The following OPRM1 variants were observed in gnomAD, a reference collection of about 807,000 sequenced individuals.
OPRM1 encodes the protein mu-type opioid receptor.
Under a neutral mutation model 31.8 loss-of-function variants are expected in OPRM1, and 27 were observed. The observed-to-expected ratio is 0.85, with a 90% confidence interval of 0.63 to 1.17. The LOEUF (loss-of-function observed/expected upper bound fraction) is 1.17. OPRM1 is among the 50% of genes most tolerant of loss of function. The probability of loss-of-function intolerance (pLI) is 0.00; values close to 1 mark genes in which losing one functional copy is unlikely to be tolerated. For missense variants in OPRM1, 536 were observed against 511.1 expected (o/e 1.05, Z -0.47); for synonymous variants, 196 against 189.9 (o/e 1.03, Z -0.26).
intron 1 of OPRM1, among the ~76,000 whole-genome samples, chr6:154,015,436 G>A (rs1777950103): frequency 6.6e-6 from 1 of 152,058 alleles, no homozygotes; most frequent in African/African-American, 2.4e-5. Flanking sequence ...AACTTGAATT[G>A]AGATAATTTG....
At chr6:154,070,614 T>C (rs921292702) in intron 1 of OPRM1, among the ~76,000 whole-genome samples, 1 of 152,208 alleles carries the variant, frequency 6.6e-6, no homozygotes, top group Non-Finnish European at 1.5e-5. Context: ...TTAAAGATAA[T>C]TTTTTGGTAA....
chr6:154,132,458 A>G (rs552062342), downstream of OPRM1, among the ~76,000 whole-genome samples: 9 of 152,358 alleles, frequency 5.9e-5, no homozygotes, highest in African/African-American at 1.4e-4. Flanking sequence ...CCTAAGAATT[A>G]GAGTAACAGA....
Position 154,212,620 on chromosome 6 carries a change from G to T in OPRM1, c.1165-34073G>T, listed in dbSNP as rs780114180. On this transcript the variant is annotated intron_variant, in intron 3 of 3. Transcript: ENST00000337049. ...TTGCTATGGAGAAGGCTCAAAATCAGCACCCTGAAAATTGCACTTGCTCGT... is the reference window on the plus strand; with the variant it reads ...TTGCTATGGAGAAGGCTCAAAATCATCACCCTGAAAATTGCACTTGCTCGT... 8 of 609,772 alleles carry T rather than the reference G, an allele frequency of 1.3e-5. No individual in the cohort carries two copies. The highest frequency in any genetic ancestry group is 2.4e-5 in the Non-Finnish European group (8 of 338,414). 37.8% of individuals were successfully genotyped at this position (609,772 alleles called of 1,614,324 possible). A position where few individuals can be genotyped will look rare whatever the true frequency, so the allele number is the denominator to read the frequency against.
At chr6:154,242,682 T>A (rs1422578378) in intron 3 of OPRM1, among the ~76,000 whole-genome samples, 7 of 151,474 alleles carry the variant, frequency 4.6e-5, no homozygotes. Context: ...AGGTCAGGAG[T>A]TCGAGACTAG....
At chr6:154,155,350 A>G (rs895876349) in intron 3 of OPRM1, 1 of 152,236 alleles carries the variant, frequency 6.6e-6, no homozygotes, top group African/African-American at 2.4e-5. Context: ...TGAGGTATAC[A>G]AAAGAAATTG....
intron 1 of OPRM1, among the ~76,000 whole-genome samples, chr6:154,088,278 A>G (rs1791147109): frequency 6.6e-6 from 1 of 152,224 alleles, no homozygotes; most frequent in African/African-American, 2.4e-5. Context: ...CTATAAGAAC[A>G]GAAAGCAAAC....
At chr6:154,175,991 A>G (rs1490416784) in intron 3 of OPRM1, among the ~76,000 whole-genome samples, 1 of 152,234 alleles carries the variant, frequency 6.6e-6, no homozygotes, top group Non-Finnish European at 1.5e-5. Context: ...AGTCGGCTTC[A>G]TCCCTGGGAT....
At chr6:154,147,457 T>A (rs1798388617) in intron 3 of OPRM1, among the ~76,000 whole-genome samples, 1 of 152,208 alleles carries the variant, frequency 6.6e-6, no homozygotes, top group African/African-American at 2.4e-5. Context: ...GCGTTTCTGC[T>A]GTTTGGTGTC....
chr6:154,155,141 C>T (rs944543438), intron 3 of OPRM1: 2 of 152,206 alleles, frequency 1.3e-5, no homozygotes, highest in African/African-American at 4.8e-5. Context: ...TGCCCCACGA[C>T]ACAGAGAAAC....
At chr6:154,088,621 G>T (rs1791230545) in intron 1 of OPRM1, among the ~76,000 whole-genome samples, 1 of 152,088 alleles carries the variant, frequency 6.6e-6, no homozygotes, top group African/African-American at 2.4e-5. Flanking sequence ...TAATTATGGT[G>T]GTGGTTTCAC....
chr6:154,141,018 A>G (rs1486433187), intron 3 of OPRM1, among the ~76,000 whole-genome samples: 6 of 152,238 alleles, frequency 3.9e-5, no homozygotes, highest in Non-Finnish European at 7.3e-5. Context: ...GAGCCAAGGC[A>G]AAACCAGAAT....
At chr6:154,175,522 C>T (rs1276207466) in intron 3 of OPRM1, among the ~76,000 whole-genome samples, 2 of 151,856 alleles carry the variant, frequency 1.3e-5, no homozygotes, top group Non-Finnish European at 1.5e-5. Flanking sequence ...TACAAACTAC[C>T]ATCAGAGAAT....
intron 3 of OPRM1, chr6:154,108,890 T>C: frequency 1.0e-6 from 1 of 984,778 alleles, no homozygotes; most frequent in African/African-American, 1.7e-5. Flanking sequence ...ATACAGTAGT[T>C]ACTAGAGAAA....
chr6:154,060,673 G>A (rs1377945842), intron 1 of OPRM1, among the ~76,000 whole-genome samples: 5 of 151,992 alleles, frequency 3.3e-5, no homozygotes, highest in East Asian at 1.9e-4. Flanking sequence ...TTTTTCCCCC[G>A]AAAAATCAGT....
At chr6:154,029,316 G>A (rs1778876200) in intron 1 of OPRM1, among the ~76,000 whole-genome samples, 2 of 151,938 alleles carry the variant, frequency 1.3e-5, no homozygotes, top group Non-Finnish European at 1.5e-5. Context: ...ATAAATGAAA[G>A]CAATCTTTTT....
chr6:154,059,713 T>C (rs970893197), intron 1 of OPRM1, among the ~76,000 whole-genome samples: 39 of 152,246 alleles, frequency 2.6e-4, no homozygotes, highest in African/African-American at 8.0e-4. Flanking sequence ...CAAATACTCA[T>C]GTGACATACA....
chr6:154,078,929 C>T lies in OPRM1; in HGVS notation c.291-10897C>T, dbSNP rs181891865. Among the ~76,000 whole-genome samples the T allele has an allele frequency of 7.3e-3, 1,107 of 152,214 alleles. 16 individuals are homozygous for T. The highest frequency in any genetic ancestry group is 8.4e-3 in the Non-Finnish European group (574 of 68,012). ...AAGACTAAAAGAATATGGCTTATGC[C>T]ATAGGCCATAGATTAGAAAATAAAA... On this transcript the variant is annotated intron_variant, in intron 1 of 3. Transcript: ENST00000330432.
At chr6:154,175,419 T>C (rs1800235703) in intron 3 of OPRM1, among the ~76,000 whole-genome samples, 1 of 147,310 alleles carries the variant, frequency 6.8e-6, no homozygotes, top group Admixed American at 6.8e-5. Flanking sequence ...ACAAAATAGA[T>C]AGAATGGTAG....
In OPRM1 at chr6:154,201,846, G is replaced by C. The variant is rs548785476; in HGVS notation, c.1165-44847G>C. On this transcript the variant is annotated intron_variant, in intron 3 of 3. Coordinates refer to the OPRM1 transcript ENST00000337049. The stretch of plus-strand genomic sequence containing the variant: ...AGAAGCGGAAGTTGCAGTGAGCCAA[G>C]ATCACATGATTGTACTCCAGCCTGG... Among the ~76,000 whole-genome samples the C allele has an allele frequency of 1.2e-3, 178 of 152,310 alleles. 1 individual carries two copies. Among genetic ancestry groups the C allele is most frequent in the Admixed American group, 3.4e-3 (52 of 15,310 alleles).
Sources: allele counts gnomAD v4.1 joint callset (sites outside exome capture counted in the v4.1 genomes callset), GRCh38; gene constraint gnomAD v4.1.1; transcripts MANE v1.5; gene names NCBI Gene and HGNC (gene_info 2026-07-23, HGNC 2026-07-21).